RGL1: variants seen among roughly 807,000 people sequenced by gnomAD.
RGL1 encodes the protein ral guanine nucleotide dissociation stimulator-like 1.
A neutral mutation model predicts 95.2 loss-of-function variants in RGL1; 24 were observed. That is an observed-to-expected ratio of 0.25 (90% CI 0.18 to 0.35). The LOEUF (loss-of-function observed/expected upper bound fraction) is 0.35. RGL1 is among the 10% of genes least tolerant of loss of function. The pLI, the probability that RGL1 is intolerant of heterozygous loss-of-function variation, is 1.00. For synonymous variants in RGL1, 329 were observed against 344.9 expected (o/e 0.95, Z 0.51); for missense variants, 715 against 936.3 (o/e 0.76, Z 3.08).
chr1:183,702,665 T>C (rs1396858934), intron 1 of RGL1, among the ~76,000 whole-genome samples: 1 of 152,132 alleles, frequency 6.6e-6, no homozygotes, highest in Non-Finnish European at 1.5e-5. Flanking sequence ...AGTAGATGGA[T>C]TGGTGTTATG....
At chr1:183,651,196 A>G (rs190369476) in intron 1 of RGL1, among the ~76,000 whole-genome samples, 218 of 152,298 alleles carry the variant, frequency 1.4e-3, no homozygotes, top group African/African-American at 4.9e-3. Context: ...AAGCATAATT[A>G]AGTATTCCCC....
At chr1:183,814,134 T>C (rs1019882354) in intron 2 of RGL1, among the ~76,000 whole-genome samples, 1 of 152,174 alleles carries the variant, frequency 6.6e-6, no homozygotes, top group Non-Finnish European at 1.5e-5. Flanking sequence ...GGACTAAAAG[T>C]AGAACAAGCT....
chr1:183,712,468 A>C (rs189966496), intron 1 of RGL1, among the ~76,000 whole-genome samples: 1 of 152,302 alleles, frequency 6.6e-6, no homozygotes, highest in East Asian at 1.9e-4. Context: ...TGAATGAATA[A>C]AAGAGAGACA....
chr1:183,771,730 C>T (rs1659283426), intron 2 of RGL1, among the ~76,000 whole-genome samples: 1 of 152,152 alleles, frequency 6.6e-6, no homozygotes, highest in Non-Finnish European at 1.5e-5. Context: ...AGGGCTCCAC[C>T]CCCACGGACC....
intron 2 of RGL1, among the ~76,000 whole-genome samples, chr1:183,829,231 G>T (rs925450158): frequency 2.6e-5 from 4 of 152,024 alleles, no homozygotes; most frequent in Non-Finnish European, 5.9e-5. Context: ...AGGATAGCTT[G>T]AGCCCATGAG....
chr1:183,801,143 TTGTGTGTGTG>T (rs139990784), upstream of RGL1, among the ~76,000 whole-genome samples: 11 of 129,888 alleles, frequency 8.5e-5, no homozygotes, highest in Non-Finnish European at 1.8e-4. Flanking sequence ...ACTTGTTATT[TTGTGTGTGTG>T]TGTGTGTGTG....
intron 16 of RGL1, among the ~76,000 whole-genome samples, chr1:183,919,808 C>A (rs374234908): frequency 5.9e-5 from 9 of 152,174 alleles, no homozygotes; most frequent in African/African-American, 2.2e-4. Flanking sequence ...GAGGGCGACA[C>A]CAAAGCATCG....
chr1:183,892,088 T>C lies in RGL1; in HGVS notation c.1067T>C (p.Leu356Pro), dbSNP rs1667458188. Residue 356 changes from leucine to proline, a missense_variant, in exon 9 of 18, where the codon CTG becomes CCG. By Grantham distance (98) the Leu-to-Pro change is moderately conservative. This residue lies in a region of RGL1 where 381 missense variants were observed against 484.8 expected (regional missense o/e 0.79). Transcript: ENST00000360851. The part of the protein sequence containing the change: ...TWAAVPRDRM[L>P]MFEELSDIFS... ...ATCCCTTTTCATAGGGACCGAATGC[T>C]GATGTTTGAAGAACTTTCAGATATC... 6.2e-7 allele frequency: 1 copy of C among 1,612,154 alleles called. No individual in the cohort carries two copies. The highest frequency in any genetic ancestry group is 8.5e-7 in the Non-Finnish European group (1 of 1,178,708).
chr1:183,761,298 T>A (rs1320115327), intron 2 of RGL1, among the ~76,000 whole-genome samples: 1 of 152,246 alleles, frequency 6.6e-6, no homozygotes, highest in Admixed American at 6.5e-5. Flanking sequence ...AATTACTCTC[T>A]GACCTATGAA....
At chr1:183,710,892 G>A (rs1021708759) in intron 1 of RGL1, among the ~76,000 whole-genome samples, 1 of 152,140 alleles carries the variant, frequency 6.6e-6, no homozygotes, top group Non-Finnish European at 1.5e-5. Flanking sequence ...AGAAGGAAAA[G>A]GGCAAAAATC....
intron 1 of RGL1, among the ~76,000 whole-genome samples, chr1:183,721,108 A>G (rs2102204398): frequency 6.6e-6 from 1 of 152,306 alleles, no homozygotes; most frequent in Middle Eastern, 3.4e-3. Context: ...TCCTGATCCC[A>G]GATCTCTGTT....
intron 2 of RGL1, among the ~76,000 whole-genome samples, chr1:183,770,608 G>T (rs552444948): frequency 6.6e-6 from 1 of 152,280 alleles, no homozygotes; most frequent in African/African-American, 2.4e-5. Flanking sequence ...GGTTTATGTG[G>T]CAAGGAAGAA....
Position 183,805,180 on chromosome 1 carries a change from C to A in RGL1, c.-118C>A, listed in dbSNP as rs1459394132. The A allele has an allele frequency of 2.9e-6, 4 of 1,373,370 alleles. No homozygotes were observed. The highest frequency in any genetic ancestry group is 3.9e-6 in the Non-Finnish European group (4 of 1,033,720). The allele number at this position is 1,373,370 out of a possible 1,614,324, so 85.1% of individuals were successfully genotyped here. On this transcript the variant is annotated 5_prime_UTR_variant, in exon 1 of 18. Transcript: ENST00000360851. ...CAGCGCGGCGCGTGTCTGTGCGCTG[C>A]GGTCGCTCGGGACCGGGACCGGGGC... is the stretch of plus-strand genomic sequence containing the variant.
rs775680315 is a variant in RGL1 at position 183,892,205 on chromosome 1, C to T, written c.1140+44C>T. 8.8e-6 allele frequency: 12 copies of T among 1,368,314 alleles called. No individual in the cohort carries two copies. The South Asian group carries it at 1.4e-4, about 16-fold the overall frequency. 84.8% of individuals were successfully genotyped at this position (1,368,314 alleles called of 1,614,324 possible). A position where few individuals can be genotyped will look rare whatever the true frequency, so the allele number is the denominator to read the frequency against. ...CTGCTGTGTAGTGCTGTTAATAGCT[C>T]TGGAATCCATTCAAGGAAGAGTAGT... On this transcript the variant is annotated intron_variant, in intron 9 of 17. Transcript: ENST00000360851.
At chr1:183,753,126 T>A (rs1190428638) in intron 2 of RGL1, among the ~76,000 whole-genome samples, 4 of 152,222 alleles carry the variant, frequency 2.6e-5, no homozygotes, top group South Asian at 2.1e-4. Context: ...TCTCTCACTC[T>A]CTGCTTATGT....
At chr1:183,810,928 G>A (rs1192745134) in intron 2 of RGL1, among the ~76,000 whole-genome samples, 1 of 152,132 alleles carries the variant, frequency 6.6e-6, no homozygotes, top group Non-Finnish European at 1.5e-5. Context: ...TTACTTGTTT[G>A]TTATCTTCCA....
chr1:183,877,906 C>G (rs1254372473), intron 4 of RGL1, among the ~76,000 whole-genome samples: 1 of 152,196 alleles, frequency 6.6e-6, no homozygotes, highest in Non-Finnish European at 1.5e-5. Flanking sequence ...GAGGCTGCAG[C>G]TCTCCATAGA....
At chr1:183,718,188 A>G (rs772600219) in intron 1 of RGL1, among the ~76,000 whole-genome samples, 2 of 150,270 alleles carry the variant, frequency 1.3e-5, no homozygotes, top group Non-Finnish European at 3.0e-5. Flanking sequence ...GAAGGTTGCT[A>G]GTGCCACTCT....
At chr1:183,710,826 G>T (rs1008082999) in intron 1 of RGL1, among the ~76,000 whole-genome samples, 1 of 152,158 alleles carries the variant, frequency 6.6e-6, no homozygotes, top group Non-Finnish European at 1.5e-5. Context: ...ATTTGGGTGA[G>T]AACACAGAGT....
Sources: gnomAD v4.1 joint callset for allele counts (sites outside exome capture counted in the v4.1 genomes callset) on GRCh38, gnomAD v4.1.1 for gene constraint, gnomAD v4.1.1 regional missense constraint, MANE v1.5 for transcripts, NCBI Gene and HGNC (gene_info 2026-07-23, HGNC 2026-07-21) for gene names.